Variants in UFL1 observed in about 807,000 individuals in gnomAD.
UFL1 encodes E3 UFM1-protein ligase 1.
In UFL1, 78 loss-of-function variants were observed where a neutral mutation model predicts 99.3. The observed-to-expected ratio is 0.79, with a 90% CI of 0.65 to 0.95. UFL1 has a LOEUF of 0.95. Among genes scored for constraint, UFL1 ranks in the 40% least tolerant of loss-of-function variants. The probability of loss-of-function intolerance (pLI) is 0.00; values close to 1 mark genes in which losing one functional copy is unlikely to be tolerated. For missense variants in UFL1, 936 were observed against 937.0 expected, an observed-to-expected ratio of 1.00 and a Z score of 0.01; for synonymous variants, 335 against 322.2, an observed-to-expected ratio of 1.04 and a Z score of -0.42.
chr6:96,550,904 G>C (rs556665641), intron 15 of UFL1, among the ~76,000 whole-genome samples: 1 of 152,034 alleles, frequency 6.6e-6, no homozygotes, highest in Non-Finnish European at 1.5e-5. Flanking sequence ...TAGCAAGTCT[G>C]CTCCAAAATT....
chr6:96,532,305 A>C (rs939399419), intron 6 of UFL1, among the ~76,000 whole-genome samples: 2 of 152,228 alleles, frequency 1.3e-5, no homozygotes, highest in Non-Finnish European at 2.9e-5. Context: ...GAAGGGAACA[A>C]AAGACAAAAA....
At chr6:96,543,640 A>G (rs1179665769) in intron 12 of UFL1, among the ~76,000 whole-genome samples, 1 of 151,172 alleles carries the variant, frequency 6.6e-6, no homozygotes, top group Non-Finnish European at 1.5e-5. Context: ...GGATGAAAAC[A>G]TCTTAGAGGA....
chr6:96,554,021 A>G lies in UFL1; in HGVS notation c.*518A>G, dbSNP rs145544822. On this transcript the variant is annotated 3_prime_UTR_variant, in exon 19 of 19. Transcript: ENST00000369278. ...ATAGAAAGCACTTCAAAACTAAAATACAGAAATTTACAAAAAAGAAAAATT... is the reference window on the plus strand; with the variant it reads ...ATAGAAAGCACTTCAAAACTAAAATGCAGAAATTTACAAAAAAGAAAAATT... The G allele has an allele frequency of 3.3e-5, 5 of 152,368 alleles. No homozygotes were observed. The East Asian group carries it at 9.6e-4, about 29-fold the overall frequency. The allele number at this position is 152,368 out of a possible 1,614,324, so 9.4% of individuals were successfully genotyped here. A position where few individuals can be genotyped will look rare whatever the true frequency, so the allele number is the denominator to read the frequency against.
At chr6:96,534,922 T>C (rs1017735560) in intron 7 of UFL1, among the ~76,000 whole-genome samples, 30 of 151,944 alleles carry the variant, frequency 2.0e-4, no homozygotes, top group African/African-American at 7.0e-4. Flanking sequence ...AAAAGAAATA[T>C]CAAGTATTGA....
intron 2 of UFL1, among the ~76,000 whole-genome samples, chr6:96,523,493 G>A (rs905866436): frequency 4.6e-5 from 7 of 152,084 alleles, no homozygotes; most frequent in African/African-American, 1.4e-4. Context: ...CTCAAATGTT[G>A]TCACTTAAAA....
chr6:96,530,125 C>T (rs1241100788), intron 6 of UFL1, among the ~76,000 whole-genome samples: 1 of 152,168 alleles, frequency 6.6e-6, no homozygotes, highest in African/African-American at 2.4e-5. Flanking sequence ...TTCAGGATCA[C>T]AGATTGCATT....
intron 15 of UFL1, among the ~76,000 whole-genome samples, chr6:96,550,457 A>G (rs1284033622): frequency 6.6e-6 from 1 of 151,958 alleles, no homozygotes; most frequent in Non-Finnish European, 1.5e-5. Flanking sequence ...TCTTGATGTG[A>G]CTGACTACAT....
chr6:96,544,759 A>G (rs1769977421), intron 12 of UFL1, among the ~76,000 whole-genome samples: 1 of 151,088 alleles, frequency 6.6e-6, no homozygotes, highest in Non-Finnish European at 1.5e-5. Flanking sequence ...CAGGTGTACT[A>G]GGCATGTGGG....
In UFL1 at chr6:96,549,572, T is replaced by A; in HGVS notation, c.1681T>A (p.Phe561Ile). The change falls in exon 14 of 19, where the codon TTT becomes ATT. Residue 561 changes from phenylalanine to isoleucine, a missense_variant. Coordinates refer to ENST00000369278, the MANE Select transcript of UFL1 (RefSeq NM_015323.5). The part of the protein sequence containing the change: ...IRLFEKGMKF[F>I]ADDTQAALTK... The stretch of plus-strand genomic sequence containing the variant: ...GTTATTTGAAAAAGGGATGAAGTTT[T>A]TTGCAGGTATACTTAATCTTTGTTA... 1 of 1,595,446 alleles carries A rather than the reference T, an allele frequency of 6.3e-7. No individual in the cohort carries two copies.
chr6:96,550,216 C>T (rs1039116296), intron 15 of UFL1, among the ~76,000 whole-genome samples: 3 of 151,812 alleles, frequency 2.0e-5, no homozygotes, highest in African/African-American at 7.3e-5. Flanking sequence ...AGCTCATCTC[C>T]TCCCTTCTTG....
chr6:96,549,994 G>A (rs1770055391), intron 15 of UFL1, among the ~76,000 whole-genome samples, 195 bp downstream of exon 15: 1 of 151,842 alleles, frequency 6.6e-6, no homozygotes, highest in African/African-American at 2.4e-5. Context: ...TAACTAGTCT[G>A]TTAAAAGTAA....
Position 96,538,637 on chromosome 6 carries a change from C to G in UFL1, c.985C>G (p.Leu329Val). 1 of 1,610,422 alleles carries G rather than the reference C, an allele frequency of 6.2e-7. No individual in the cohort carries two copies. Among genetic ancestry groups the G allele is most frequent in the Non-Finnish European group, 8.5e-7 (1 of 1,177,758 alleles). The change falls in exon 10 of 19, where the codon CTA (leucine) becomes GTA (valine). Residue 329 changes from leucine to valine, a missense_variant. Leu to Val is a conservative substitution (Grantham distance 32). Transcript: ENST00000369278. ...ATTTTGTTTGTAATTCTAGCCTCTG[C>G]TACCCACTTCTTTATCAGTTGAAGA... ...SGTWVDIAPL[L>V]PTSLSVEDAA...
At chr6:96,528,265 C>T (rs1029521645) in intron 5 of UFL1, among the ~76,000 whole-genome samples, 1 of 152,108 alleles carries the variant, frequency 6.6e-6, no homozygotes, top group Non-Finnish European at 1.5e-5. Context: ...ACAGCTCAAC[C>T]TTTTAACATG....
At position 96,521,809 on chromosome 6, in the gene UFL1, T is replaced by C; in HGVS notation, c.-65T>C. ...CTCTGCGCGGCCCGTTCCGCCTCTC[T>C]TCTCCCACCGCCTGTCGGCTGACGT... is the stretch of plus-strand genomic sequence containing the variant. On this transcript the variant is annotated 5_prime_UTR_variant, in exon 1 of 19. Coordinates refer to ENST00000369278, the MANE Select transcript of UFL1 (RefSeq NM_015323.5). 1 of 1,545,690 alleles carries C rather than the reference T, an allele frequency of 6.5e-7. No individual in the cohort carries two copies. Among genetic ancestry groups the C allele is most frequent in the Non-Finnish European group, 8.7e-7 (1 of 1,143,326 alleles).
In UFL1 at chr6:96,549,431, C is replaced by G. The variant is rs370996099; in HGVS notation, c.1540C>G (p.Leu514Val). ...GCACAGACCTCTTAATAAAACTTAT[C>G]TCGAGGTGGTACGTTCAGTATTCAT... ...YLIKPLNKTY[L>V]EVVRSVFMSS... The change falls in exon 14 of 19, where the codon CTC becomes GTC. Residue 514 changes from leucine (L) to valine (V), a missense_variant. Transcript: ENST00000369278. The G allele has an allele frequency of 6.9e-6, 11 of 1,595,948 alleles. No individual in the cohort carries two copies. Among genetic ancestry groups the G allele is most frequent in the Non-Finnish European group, 8.5e-6 (10 of 1,174,924 alleles).
At chr6:96,544,183 A>G (rs535293904) in intron 12 of UFL1, among the ~76,000 whole-genome samples, 1 of 151,070 alleles carries the variant, frequency 6.6e-6, no homozygotes, top group African/African-American at 2.4e-5. Context: ...TTACTTTCAT[A>G]GTAACACCTA....
At chr6:96,543,194 C>T (rs936027808) in intron 12 of UFL1, among the ~76,000 whole-genome samples, 178 bp downstream of exon 12, 2 of 151,176 alleles carry the variant, frequency 1.3e-5, no homozygotes, top group Non-Finnish European at 3.0e-5. Context: ...AGTAACAACA[C>T]TGTTTATCTT....
chr6:96,538,346 G>A (rs766153006), intron 9 of UFL1, among the ~76,000 whole-genome samples: 5 of 151,714 alleles, frequency 3.3e-5, no homozygotes, highest in Non-Finnish European at 7.4e-5. Flanking sequence ...GACTTTGTGA[G>A]AAAAACGAAC....
Position 96,553,358 on chromosome 6 carries a change from G to A in UFL1, c.2240G>A (p.Gly747Glu). The change falls in exon 19 of 19, where the codon GGG (glycine) becomes GAG (glutamate). Residue 747 changes from glycine to glutamate, a missense_variant. Gly to Glu is a moderately conservative substitution (Grantham distance 98). Coordinates refer to ENST00000369278, the MANE Select transcript of UFL1 (RefSeq NM_015323.5). ...CTAGTCAGTCAAAGTAAGAAGACTG[G>A]GCAGGGAGATTATCCCTTGAATAAT... ...KQLVSQSKKT[G>E]QGDYPLNNEL... The A allele has an allele frequency of 6.2e-7, 1 of 1,613,776 alleles. No homozygotes were observed. Among genetic ancestry groups the A allele is most frequent in the Non-Finnish European group, 8.5e-7 (1 of 1,179,812 alleles).
Sources: allele counts gnomAD v4.1 joint callset (sites outside exome capture counted in the v4.1 genomes callset), GRCh38; gene constraint gnomAD v4.1.1; transcripts MANE v1.5; gene names NCBI Gene and HGNC (gene_info 2026-07-23, HGNC 2026-07-21).